The following CNTN4 variants were observed in gnomAD, a reference collection of about 807,000 sequenced individuals.
CNTN4 encodes contactin 4.
In CNTN4, 77 loss-of-function variants were observed where a neutral mutation model predicts 122.5. The ratio of observed to expected loss-of-function variants is 0.63; its 90% confidence interval spans 0.52 to 0.76. The LOEUF is 0.76. CNTN4 is among the 30% of genes least tolerant of loss of function. The pLI is 0.00. For synonymous variants in CNTN4, 512 were observed against 447.0 expected, an observed-to-expected ratio of 1.15 and a Z score of -1.83; for missense variants, 1,256 against 1,259.1, an observed-to-expected ratio of 1.00 and a Z score of 0.04.
intron 4 of CNTN4, among the ~76,000 whole-genome samples, chr3:2,627,717 T>C (rs536997099): frequency 6.6e-6 from 1 of 151,966 alleles, no homozygotes; most frequent in Admixed American, 6.6e-5. Context: ...ATGGTCTCGA[T>C]CTCCTGACCT....
chr3:2,273,176 G>C (rs1013885812), intron 2 of CNTN4, among the ~76,000 whole-genome samples: 5 of 152,298 alleles, frequency 3.3e-5, no homozygotes, highest in Admixed American at 6.5e-5. Context: ...AATGCAGTAA[G>C]TAATTGTAAA....
chr3:2,607,406 G>T (rs1425751819), intron 4 of CNTN4, among the ~76,000 whole-genome samples: 1 of 151,848 alleles, frequency 6.6e-6, no homozygotes, highest in Non-Finnish European at 1.5e-5. Context: ...ATACAAAAAG[G>T]GAATGAATAA....
intron 6 of CNTN4, among the ~76,000 whole-genome samples, chr3:2,805,714 G>A (rs1424334522): frequency 2.0e-5 from 3 of 152,158 alleles, no homozygotes; most frequent in East Asian, 1.9e-4. Flanking sequence ...GAACCAGGTC[G>A]TGGATGCCAA....
intron 4 of CNTN4, among the ~76,000 whole-genome samples, chr3:2,641,003 A>C (rs2082874682): frequency 6.6e-6 from 1 of 152,204 alleles, no homozygotes; most frequent in Admixed American, 6.5e-5. Flanking sequence ...GGGAGGTCAT[A>C]AAGATTTTCC....
chr3:2,663,923 T>C (rs1180221245), intron 4 of CNTN4, among the ~76,000 whole-genome samples: 1 of 152,166 alleles, frequency 6.6e-6, no homozygotes, highest in East Asian at 1.9e-4. Context: ...TGATTCTATT[T>C]GTATGAAATG....
intron 6 of CNTN4, among the ~76,000 whole-genome samples, chr3:2,785,128 C>CACAA (rs1361309837): frequency 8.6e-6 from 1 of 116,530 alleles, no homozygotes; most frequent in Non-Finnish European, 1.8e-5. Flanking sequence ...CACACACACA[C>CACAA]ACACACACAC....
rs1383176674 is a variant in CNTN4 at position 2,385,253 on chromosome 3, A to T, written c.-89+46020A>T. 6.6e-6 allele frequency among the ~76,000 whole-genome samples: 1 copy of T among 151,984 alleles called. No homozygotes were observed. The highest frequency in any genetic ancestry group is 1.5e-5 in the Non-Finnish European group (1 of 67,982). ...ACTCAGTTTTTTATTTTTTATTTTT[A>T]TTTCTACACTTTTTATTTCTACAGT... On this transcript the variant is annotated intron_variant, in intron 3 of 24. Transcript: ENST00000418658. This position sits in a 1 kb window ranked among gnomAD's most constrained non-coding sequence, Gnocchi z 4.0.
chr3:2,803,152 A>G (rs1193521242), intron 6 of CNTN4, among the ~76,000 whole-genome samples: 1 of 152,238 alleles, frequency 6.6e-6, no homozygotes, highest in African/African-American at 2.4e-5. Context: ...CATTTTCAGA[A>G]TGATTAAATG....
intron 3 of CNTN4, among the ~76,000 whole-genome samples, chr3:2,369,192 G>C (rs897241136): frequency 1.3e-5 from 2 of 152,088 alleles, no homozygotes; most frequent in African/African-American, 4.8e-5. Context: ...CAAAGTGCTG[G>C]GATTACAGGC....
In CNTN4 at chr3:2,309,673, A is replaced by G. The variant is rs2042844275; in HGVS notation, c.-144-29505A>G. The stretch of plus-strand genomic sequence containing the variant: ...CCAGTGATGCTTGGTCTTTTAATAT[A>G]TGAGTGGAAATCAGAATTTTTAAGT... On this transcript the variant is annotated intron_variant, in intron 2 of 24. Transcript: ENST00000418658. Among the ~76,000 whole-genome samples, 3 of 152,130 alleles carry G rather than the reference A, an allele frequency of 2.0e-5. No homozygotes were observed. In the South Asian group the frequency reaches 6.2e-4, roughly 31 times the overall value.
chr3:2,572,840 G>GT (rs1331693989), intron 4 of CNTN4, among the ~76,000 whole-genome samples: 1 of 152,120 alleles, frequency 6.6e-6, no homozygotes, highest in Non-Finnish European at 1.5e-5. Flanking sequence ...ACAACTTGTT[G>GT]TAGTAGATTA....
In CNTN4 at chr3:2,851,298, C is replaced by A. The variant is rs116081370; in HGVS notation, c.455-15454C>A. ...ATTTTTTAAGAGCACAGAAGTGAAA[C>A]ACTATGCCTCTGATCATATGCCTCT... is the stretch of plus-strand genomic sequence containing the variant. On this transcript the variant is annotated intron_variant, in intron 7 of 24. Transcript: ENST00000418658. 8.5e-3 allele frequency among the ~76,000 whole-genome samples: 1,301 copies of A among 152,248 alleles called. 20 individuals are homozygous for A. Among genetic ancestry groups the A allele is most frequent in the African/African-American group, 0.03 (1,233 of 41,542 alleles).
chr3:2,889,948 C>G (rs895654757), intron 10 of CNTN4, among the ~76,000 whole-genome samples: 1 of 152,084 alleles, frequency 6.6e-6, no homozygotes, highest in Admixed American at 6.5e-5. Flanking sequence ...GGGATCCTGC[C>G]CTGGAGATGA....
intron 2 of CNTN4, among the ~76,000 whole-genome samples, chr3:2,182,353 A>T (rs192239054): frequency 6.6e-6 from 1 of 152,196 alleles, no homozygotes; most frequent in East Asian, 1.9e-4. Context: ...CAATAAATTC[A>T]CAACACTAAT....
chr3:3,039,617 T>A (rs550862217), intron 19 of CNTN4: 3 of 246,068 alleles, frequency 1.2e-5, no homozygotes, highest in Non-Finnish European at 2.4e-5. Flanking sequence ...CTCTTCCCTC[T>A]GAGAGGGAGG....
chr3:2,260,796 C>T (rs918354478), intron 2 of CNTN4, among the ~76,000 whole-genome samples: 2 of 149,834 alleles, frequency 1.3e-5, no homozygotes, highest in African/African-American at 2.5e-5. Context: ...GGTGTGATCT[C>T]GGCTCACTGT....
intron 4 of CNTN4, among the ~76,000 whole-genome samples, chr3:2,638,442 G>T (rs1002148522): frequency 1.1e-4 from 17 of 151,890 alleles, no homozygotes; most frequent in African/African-American, 3.9e-4. Flanking sequence ...GTATTATAAA[G>T]AAAGTTGCGG....
intron 3 of CNTN4, among the ~76,000 whole-genome samples, chr3:2,467,070 A>T (rs556583906): frequency 2.1e-5 from 3 of 143,478 alleles, no homozygotes; most frequent in East Asian, 4.1e-4. Flanking sequence ...TGCCTTATTT[A>T]AAAAAAGTCT....
chr3:2,485,034 G>A (rs1054211719), intron 3 of CNTN4, among the ~76,000 whole-genome samples: 1 of 152,238 alleles, frequency 6.6e-6, no homozygotes, highest in African/African-American at 2.4e-5. Context: ...CCCGGGCAGT[G>A]AGTGGCTTAG....
Sources: gnomAD v4.1 joint callset for allele counts (sites outside exome capture counted in the v4.1 genomes callset) on GRCh38, gnomAD v4.1.1 for gene constraint, Gnocchi (gnomAD v3.1) non-coding constraint, MANE v1.5 for transcripts, NCBI Gene and HGNC (gene_info 2026-07-23, HGNC 2026-07-21) for gene names.